Variants in FHIT observed in about 807,000 individuals in gnomAD.
FHIT encodes the protein fragile histidine triad diadenosine triphosphatase.
FHIT carries 19 observed loss-of-function variants against 17.9 expected under a neutral mutation model. The observed-to-expected ratio is 1.06, with a 90% CI of 0.74 to 1.56. The LOEUF (loss-of-function observed/expected upper bound fraction) is 1.56. FHIT is among the 40% of genes most tolerant of loss of function. The pLI is 0.00. For missense variants in FHIT, 248 were observed against 189.2 expected (o/e 1.31, Z -1.82); for synonymous variants, 81 against 69.7 (o/e 1.16, Z -0.81).
chr3:59,753,458 AG>A, intron 8 of FHIT, among the ~76,000 whole-genome samples: 1 of 152,314 alleles, frequency 6.6e-6, no homozygotes, highest in South Asian at 2.1e-4. Flanking sequence ...TCTCTTCCTT[AG>A]AAATGCTCAA....
intron 3 of FHIT, among the ~76,000 whole-genome samples, chr3:60,828,998 G>A (rs547047768): frequency 6.6e-6 from 1 of 152,240 alleles, no homozygotes; most frequent in Non-Finnish European, 1.5e-5. Flanking sequence ...GGGATGGAAT[G>A]ATGGCTTTCT....
At chr3:60,581,001 T>G (rs1180779087) in intron 4 of FHIT, among the ~76,000 whole-genome samples, 11 of 152,058 alleles carry the variant, frequency 7.2e-5, no homozygotes, top group South Asian at 6.2e-4. Context: ...TGGCTGAGAT[T>G]GCATAGTTCT....
chr3:59,840,495 G>A (rs1434651127), intron 8 of FHIT, among the ~76,000 whole-genome samples: 17 of 151,602 alleles, frequency 1.1e-4, no homozygotes. Context: ...TTAACCCATT[G>A]TAAAGGCACA....
intron 3 of FHIT, among the ~76,000 whole-genome samples, chr3:60,882,293 A>G (rs1705015990): frequency 6.6e-6 from 1 of 152,190 alleles, no homozygotes; most frequent in Non-Finnish European, 1.5e-5. Flanking sequence ...GAATTCTACC[A>G]AACATTTAAA....
chr3:59,982,112 C>T lies in FHIT; in HGVS notation c.279+29259G>A, dbSNP rs1010013313. On this transcript the variant is annotated intron_variant, in intron 7 of 9. Coordinates refer to ENST00000492590, the MANE Select transcript of FHIT (RefSeq NM_002012.4). ...AATAGACTATTCAAACAGAGCTCTTCGCGTTACATTAGCTGAATAAATAGT... is the reference window on the plus strand; with the variant it reads ...AATAGACTATTCAAACAGAGCTCTTTGCGTTACATTAGCTGAATAAATAGT... Among the ~76,000 whole-genome samples, 15 of 152,258 alleles carry T rather than the reference C, an allele frequency of 9.9e-5. No individual in the cohort carries two copies. The East Asian group carries it at 1.2e-3, about 12-fold the overall frequency.
chr3:60,233,483 G>T (rs2107557388), intron 5 of FHIT, among the ~76,000 whole-genome samples: 1 of 152,058 alleles, frequency 6.6e-6, no homozygotes, highest in Non-Finnish European at 1.5e-5. Flanking sequence ...TCCTCAGAGA[G>T]GGCCTCCTCC....
rs571370973 is a variant in FHIT at position 61,217,272 on chromosome 3, C to T, written c.-212-16607G>A. Among the ~76,000 whole-genome samples, 14 of 152,332 alleles carry T rather than the reference C, an allele frequency of 9.2e-5. No individual in the cohort carries two copies. The South Asian group carries it at 2.5e-3, about 27-fold the overall frequency. ...TATGCTACAAAGCCTGAGGCTTCCG[C>T]TAGCAGACTTGAAAGTTAGGGGCTG... On this transcript the variant is annotated intron_variant, in intron 1 of 9. Coordinates refer to ENST00000492590, the MANE Select transcript of FHIT (RefSeq NM_002012.4).
chr3:61,236,628 G>A (rs964866785), intron 1 of FHIT, among the ~76,000 whole-genome samples: 5 of 152,190 alleles, frequency 3.3e-5, no homozygotes, highest in East Asian at 1.9e-4. Context: ...TGGAAAGGGA[G>A]GCCCAGAGAA....
chr3:60,816,272 C>T (rs1195294125), intron 4 of FHIT, among the ~76,000 whole-genome samples: 1 of 152,020 alleles, frequency 6.6e-6, no homozygotes, highest in Non-Finnish European at 1.5e-5. Flanking sequence ...ACTTCCAGTA[C>T]TATGTTGAAT....
At chr3:61,217,230 G>T (rs1427580089) in intron 1 of FHIT, among the ~76,000 whole-genome samples, 2 of 152,204 alleles carry the variant, frequency 1.3e-5, no homozygotes, top group East Asian at 3.8e-4. Context: ...GCAGGGTTCA[G>T]CAGGATGGCT....
chr3:60,211,849 TTC>T (rs1199475070), intron 5 of FHIT, among the ~76,000 whole-genome samples: 3 of 152,286 alleles, frequency 2.0e-5, no homozygotes, highest in East Asian at 3.9e-4. Context: ...TTCTCCAGGC[TTC>T]TGTTTCTAAA....
At chr3:60,009,187 G>C (rs1333515782) in intron 7 of FHIT, among the ~76,000 whole-genome samples, 1 of 138,534 alleles carries the variant, frequency 7.2e-6, no homozygotes, top group African/African-American at 2.7e-5. Context: ...GTGTGTGTGT[G>C]TGTGTGTGTG....
At chr3:60,859,814 T>C (rs781890177) in intron 3 of FHIT, among the ~76,000 whole-genome samples, 1 of 128,330 alleles carries the variant, frequency 7.8e-6, no homozygotes, top group Non-Finnish European at 1.6e-5. Context: ...GAAGCTGAGG[T>C]GGGTGGATCA....
intron 5 of FHIT, among the ~76,000 whole-genome samples, chr3:60,105,843 C>G (rs1231780155): frequency 6.6e-6 from 1 of 151,932 alleles, no homozygotes; most frequent in Non-Finnish European, 1.5e-5. Context: ...AGAAAATGGG[C>G]AGGAAAATTA....
chr3:60,603,573 T>C (rs1273873128), intron 4 of FHIT, among the ~76,000 whole-genome samples: 1 of 152,140 alleles, frequency 6.6e-6, no homozygotes, highest in African/African-American at 2.4e-5. Context: ...CCTACATTTT[T>C]TAATGATGAG....
chr3:60,554,547 C>A (rs772478015), intron 4 of FHIT, among the ~76,000 whole-genome samples: 5 of 152,192 alleles, frequency 3.3e-5, no homozygotes, highest in African/African-American at 2.4e-5. Flanking sequence ...TATGGTAAAT[C>A]TGAATCAACT....
At chr3:60,928,832 A>G (rs1303405497) in intron 3 of FHIT, among the ~76,000 whole-genome samples, 42 of 152,188 alleles carry the variant, frequency 2.8e-4, no homozygotes, top group African/African-American at 9.9e-4. Flanking sequence ...TCCAATCAAT[A>G]GAAAAAGAGG....
intron 5 of FHIT, among the ~76,000 whole-genome samples, chr3:60,325,918 TGACC>T (rs1709670408): frequency 6.6e-6 from 1 of 152,244 alleles, no homozygotes; most frequent in Non-Finnish European, 1.5e-5. Flanking sequence ...TGTGTAATCA[TGACC>T]GACGTGATGG....
chr3:60,269,885 C>T (rs1706777335), intron 5 of FHIT, among the ~76,000 whole-genome samples: 1 of 152,186 alleles, frequency 6.6e-6, no homozygotes. Flanking sequence ...GGGAGTTACA[C>T]CCCTATGGGT....
Sources: allele counts gnomAD v4.1 joint callset (sites outside exome capture counted in the v4.1 genomes callset), GRCh38; gene constraint gnomAD v4.1.1; transcripts MANE v1.5; gene names NCBI Gene and HGNC (gene_info 2026-07-23, HGNC 2026-07-21).